Variants in PCDHA7 observed in about 807,000 individuals in gnomAD.
PCDHA7 encodes the protein protocadherin alpha 7.
PCDHA7 carries 37 observed loss-of-function variants against 57.2 expected under a neutral mutation model. The observed-to-expected ratio is 0.65, with a 90% CI of 0.50 to 0.85. PCDHA7 has a LOEUF of 0.85. Among genes scored for constraint, PCDHA7 ranks in the 40% least tolerant of loss-of-function variants. PCDHA7 has a pLI of 0.00. For missense variants in PCDHA7, 1,188 were observed against 1,241.8 expected (o/e 0.96, Z 0.65); for synonymous variants, 553 against 558.8 (o/e 0.99, Z 0.15).
intron 1 of PCDHA7, among the ~76,000 whole-genome samples, chr5:140,961,914 C>T (rs192184): frequency 0.56 from 84,843 of 150,390 alleles, 24,472 homozygotes; most frequent in African/African-American, 0.69. Context: ...GATGGAGTCT[C>T]GCTCTGTTGC....
In PCDHA7 at chr5:140,944,181, G is replaced by A. The variant is rs112665762; in HGVS notation, c.2356-34768G>A. 4.3e-3 allele frequency among the ~76,000 whole-genome samples: 661 copies of A among 151,992 alleles called. 7 individuals are homozygous for A. Among genetic ancestry groups the A allele is most frequent in the African/African-American group, 0.015 (616 of 41,488 alleles). On this transcript the variant is annotated intron_variant, in intron 1 of 3. Coordinates refer to ENST00000525929, the MANE Select transcript of PCDHA7 (RefSeq NM_018910.3). ...AAAGGGCCAAGGCTGGTTTTTTGTTGGTTTGTTTTGTTTTGTTTTGTTTTT... is the reference window on the plus strand; with the variant it reads ...AAAGGGCCAAGGCTGGTTTTTTGTTAGTTTGTTTTGTTTTGTTTTGTTTTT...
intron 1 of PCDHA7, among the ~76,000 whole-genome samples, chr5:140,934,783 A>C (rs2090034582): frequency 6.6e-6 from 1 of 152,180 alleles, no homozygotes; most frequent in Non-Finnish European, 1.5e-5. Context: ...GGCCCAATCC[A>C]TGTCAATTAT....
In PCDHA7 at chr5:140,886,699, G is replaced by A. The variant is rs540537249; in HGVS notation, c.2355+49961G>A. Among the ~76,000 whole-genome samples the A allele has an allele frequency of 7.8e-4, 119 of 151,966 alleles. 1 individual carries two copies. In the East Asian group the frequency reaches 0.01, roughly 13 times the overall value. ...AAATTAGCGAGGCATGGTGGCACGC[G>A]CCTGTAATCCCAGCTACTTGGGAGG... On this transcript the variant is annotated intron_variant, in intron 1 of 3. Transcript: ENST00000525929.
intron 1 of PCDHA7, among the ~76,000 whole-genome samples, chr5:140,899,127 C>G (rs1487430888): frequency 2.0e-4 from 30 of 152,302 alleles, no homozygotes; most frequent in African/African-American, 7.0e-4. Context: ...ACAATCATGT[C>G]TTCTGCAAAC....
chr5:140,857,858 G>T (rs781810921), intron 1 of PCDHA7: 3 of 1,597,852 alleles, frequency 1.9e-6, no homozygotes, highest in South Asian at 1.1e-5. Context: ...TGGATACAAC[G>T]CGTGGCTGTC....
At chr5:140,965,113 G>C (rs1343720863) in intron 1 of PCDHA7, among the ~76,000 whole-genome samples, 1 of 152,218 alleles carries the variant, frequency 6.6e-6, no homozygotes, top group Non-Finnish European at 1.5e-5. Context: ...ATGACCCATA[G>C]AGGAAGATCT....
At chr5:140,966,703 G>T in intron 1 of PCDHA7, 1 of 1,376,398 alleles carries the variant, frequency 7.3e-7, no homozygotes, top group South Asian at 1.7e-5. Flanking sequence ...CCCGGGCGTG[G>T]GGCACGGCTG....
chr5:140,953,075 A>G (rs1208986278), intron 1 of PCDHA7, among the ~76,000 whole-genome samples: 4 of 152,190 alleles, frequency 2.6e-5, no homozygotes, highest in Admixed American at 2.6e-4. Context: ...CATCTCCAAC[A>G]TTGGGGATTA....
At position 141,012,035 on chromosome 5, in the gene PCDHA7, G is replaced by A. The variant is rs908623831; in HGVS notation, c.*2098G>A. The A allele has an allele frequency of 1.3e-5, 2 of 153,684 alleles. No individual in the cohort carries two copies. The highest frequency in any genetic ancestry group is 2.9e-5 in the Non-Finnish European group (2 of 68,026). The allele number at this position is 153,684 out of a possible 1,614,324, so 9.5% of individuals were successfully genotyped here. A position where few individuals can be genotyped will look rare whatever the true frequency, so the allele number is the denominator to read the frequency against. On this transcript the variant is annotated 3_prime_UTR_variant, in exon 4 of 4. Coordinates refer to ENST00000525929, the MANE Select transcript of PCDHA7 (RefSeq NM_018910.3). The stretch of plus-strand genomic sequence containing the variant: ...TGTGTAACTTCAGCTCTGCAGGATT[G>A]CATGGGGTAAAACTTGTTACCAACA...
chr5:140,870,707 G>A, intron 1 of PCDHA7: 1 of 1,613,076 alleles, frequency 6.2e-7, no homozygotes, highest in Non-Finnish European at 8.5e-7. Context: ...TTCCAGGTGA[G>A]CGCGCGCGAT....
intron 1 of PCDHA7, chr5:140,927,810 G>A: frequency 2.5e-6 from 4 of 1,614,200 alleles, no homozygotes; most frequent in Non-Finnish European, 3.4e-6. Flanking sequence ...AAACGCTCTT[G>A]GAGGCATACA....
intron 1 of PCDHA7, among the ~76,000 whole-genome samples, chr5:140,937,353 T>C (rs2091494629): frequency 6.6e-6 from 1 of 152,146 alleles, no homozygotes; most frequent in Admixed American, 6.5e-5. Context: ...ATTTATTTTA[T>C]TATTTTATCT....
At chr5:140,932,734 C>G (rs1295804671) in intron 1 of PCDHA7, among the ~76,000 whole-genome samples, 2 of 151,588 alleles carry the variant, frequency 1.3e-5, no homozygotes, top group Non-Finnish European at 1.5e-5. Context: ...AATATAGACC[C>G]TCAAATCAGT....
intron 1 of PCDHA7, among the ~76,000 whole-genome samples, chr5:140,947,554 G>T (rs977454594): frequency 1.3e-5 from 2 of 151,358 alleles, no homozygotes; most frequent in Non-Finnish European, 3.0e-5. Flanking sequence ...AATTCCGCTG[G>T]GATTTATATT....
At chr5:140,880,009 T>C (rs2058206618) in intron 1 of PCDHA7, among the ~76,000 whole-genome samples, 1 of 152,232 alleles carries the variant, frequency 6.6e-6, no homozygotes, top group African/African-American at 2.4e-5. Context: ...TTATTCACCA[T>C]ATAAAGTAAA....
chr5:140,869,724 A>G (rs1554163381), intron 1 of PCDHA7: 1 of 1,613,416 alleles, frequency 6.2e-7, no homozygotes. Flanking sequence ...AAACTCCGGA[A>G]CTTAATTTGC....
intron 1 of PCDHA7, chr5:140,928,289 G>C (rs1554205708): frequency 6.2e-7 from 1 of 1,614,170 alleles, no homozygotes; most frequent in Non-Finnish European, 8.5e-7. Flanking sequence ...TCTCTAGGCC[G>C]AGTGTTTGCC....
chr5:140,927,748 G>A lies in PCDHA7; in HGVS notation c.2356-51201G>A, dbSNP rs782605586. Reference sequence around the variant, plus strand: ...AGCAGAGCTGCGACACCGCTTTCACGTGCACCCTAAAAGTGGGGAGGTGCA... The same window carrying A: ...AGCAGAGCTGCGACACCGCTTTCACATGCACCCTAAAAGTGGGGAGGTGCA... On this transcript the variant is annotated intron_variant, in intron 1 of 3. Transcript: ENST00000525929. 53 of 1,614,088 alleles carry A rather than the reference G, an allele frequency of 3.3e-5. No homozygotes were observed. The South Asian group carries it at 5.7e-4, about 17-fold the overall frequency.
intron 1 of PCDHA7, among the ~76,000 whole-genome samples, chr5:140,913,928 G>A (rs2076511708): frequency 1.3e-5 from 2 of 151,918 alleles, no homozygotes; most frequent in Non-Finnish European, 2.9e-5. Flanking sequence ...CTTCATTGTG[G>A]TCAGAGAAGA....
Sources: allele counts gnomAD v4.1 joint callset (sites outside exome capture counted in the v4.1 genomes callset), GRCh38; gene constraint gnomAD v4.1.1; transcripts MANE v1.5; gene names NCBI Gene and HGNC (gene_info 2026-07-23, HGNC 2026-07-21).